MUC21: variants seen among roughly 807,000 people sequenced by gnomAD.
The protein encoded by MUC21 is mucin 21, cell surface associated, also known as mucin-21.
MUC21 carries 8 observed loss-of-function variants against 9.1 expected under a neutral mutation model. The ratio of observed to expected loss-of-function variants is 0.88; its 90% CI spans 0.52 to 1.59. MUC21 has a LOEUF of 1.59. Ranked by LOEUF, MUC21 falls within the 40% of genes most tolerant of loss-of-function variation. The pLI, the probability that MUC21 is intolerant of heterozygous loss-of-function variation, is 0.00. For synonymous variants in MUC21, 189 were observed against 275.2 expected (o/e 0.69, Z 3.10); for missense variants, 478 against 694.2 (o/e 0.69, Z 3.50).
chr6:30,984,996 CAATAAAATAAAATAAAATAA>C (rs9257008), intron 1 of MUC21, among the ~76,000 whole-genome samples: 3 of 142,814 alleles, frequency 2.1e-5, no homozygotes, highest in Non-Finnish European at 4.5e-5. Context: ...AATAAATAAG[CAATAAAATAAAATAAAATAA>C]AATAAAATAA....
chr6:30,988,335 C>T lies in MUC21; in HGVS notation c.*141C>T, dbSNP rs1229855559. On this transcript the variant is annotated 3_prime_UTR_variant, in exon 3 of 3. Transcript: ENST00000376296. ...AAATCTTGAAGAAGGTATTCCTCAC[C>T]TTTCTTGCCTTTACCAGACACTGGA... 3 of 704,320 alleles carry T rather than the reference C, an allele frequency of 4.3e-6. No homozygotes were observed. The African/African-American group carries it at 5.4e-5, about 13-fold the overall frequency. 43.6% of individuals were successfully genotyped at this position (704,320 alleles called of 1,614,324 possible).
At position 30,986,337 on chromosome 6, in the gene MUC21, C is replaced by T. The variant is rs752317628; in HGVS notation, c.162C>T (p.Ser54=). 1.2e-6 allele frequency: 2 copies of T among 1,613,130 alleles called. No individual in the cohort carries two copies. Among genetic ancestry groups the T allele is most frequent in the Non-Finnish European group, 1.7e-6 (2 of 1,179,482 alleles). Residue 54 remains serine, a synonymous_variant, in exon 2 of 3, where the codon TCC becomes TCT. Coordinates refer to ENST00000376296, the MANE Select transcript of MUC21 (RefSeq NM_001010909.5). ...TATNSGSSVT[S]SGVSTATISG... is the part of the protein sequence containing the mutation. ...CCAACTCTGGGTCCAGTGTGACCTC[C>T]AGTGGGGTCAGCACAGCCACCATCT...
In MUC21 at chr6:30,987,031, A is replaced by G; in HGVS notation, c.856A>G (p.Thr286Ala). ...AGTGTCCAGTGGGATCAGCACAGTC[A>G]CCAATTCTGAGTCCAGCACACCCTC... ...STVSSGISTV[T>A]NSESSTPSSG... The change falls in exon 2 of 3, where the codon ACC becomes GCC. Residue 286 changes from threonine (T) to alanine (A), a missense_variant. By Grantham distance (58) the Thr-to-Ala change is moderately conservative. This residue lies in a region of MUC21 where 155 missense variants were observed against 235.2 expected (regional missense o/e 0.66). Transcript: ENST00000376296. 2.5e-6 allele frequency: 4 copies of G among 1,605,056 alleles called. No homozygotes were observed. Among genetic ancestry groups the G allele is most frequent in the Non-Finnish European group, 3.4e-6 (4 of 1,174,482 alleles).
chr6:30,987,176 A>C lies in MUC21; in HGVS notation c.1001A>C (p.Glu334Ala). The C allele has an allele frequency of 6.3e-7, 1 of 1,597,122 alleles. No individual in the cohort carries two copies. The highest frequency in any genetic ancestry group is 8.5e-7 in the Non-Finnish European group (1 of 1,172,216). ...GGGGCCAGCACAGCCACCAACTCTG[A>C]GTCCAGCACGACCTCCAGTGGGGCC... Reference protein sequence around the residue: ...SSGASTATNSESSTTSSGAST... With the variant: ...SSGASTATNSASSTTSSGAST... The change falls in exon 2 of 3, where the codon GAG (glutamate) becomes GCG (alanine). Residue 334 changes from glutamate (E) to alanine (A), a missense_variant. Coordinates refer to ENST00000376296, the MANE Select transcript of MUC21 (RefSeq NM_001010909.5).
intron 2 of MUC21, 27 bp downstream of exon 2, chr6:30,987,708 C>T (rs768600624): frequency 6.2e-7 from 1 of 1,603,396 alleles, no homozygotes. Flanking sequence ...TAAGAAAATG[C>T]CTGGGGGAAG....
Position 30,988,350 on chromosome 6 carries a change from CA to C in MUC21, c.*157del. 1 of 642,642 alleles carries C rather than the reference CA, an allele frequency of 1.6e-6. No homozygotes were observed. Among genetic ancestry groups the C allele is most frequent in the Admixed American group, 3.0e-5 (1 of 33,690 alleles). 39.8% of individuals were successfully genotyped at this position (642,642 alleles called of 1,614,324 possible). On this transcript the variant is annotated 3_prime_UTR_variant, in exon 3 of 3. Transcript: ENST00000376296. ...TATTCCTCACCTTTCTTGCCTTTAC[CA>C]GACACTGGAAAGAGAATACTATATT...
At chr6:30,984,858 C>T (rs1762181506) in intron 1 of MUC21, among the ~76,000 whole-genome samples, 1 of 151,830 alleles carries the variant, frequency 6.6e-6, no homozygotes, top group African/African-American at 2.4e-5. Context: ...GCCTGTAATC[C>T]TAGCTACTCA....
chr6:30,988,008 C>G lies in MUC21; in HGVS notation c.1515C>G (p.Ser505Arg), dbSNP rs1762458599. Residue 505 changes from serine to arginine, a missense_variant, in exon 3 of 3, where the codon AGC becomes AGG. By Grantham distance (110) the Ser-to-Arg change is moderately radical. Coordinates refer to ENST00000376296, the MANE Select transcript of MUC21 (RefSeq NM_001010909.5). The stretch of plus-strand genomic sequence containing the variant: ...GACTCTTCTTTTTTTAGAGAAACAG[C>G]CTGTCCCTGAGAAACACCTTTAACA... Reference protein sequence around the residue: ...FAGLFFCVRNSLSLRNTFNTA... With the variant: ...FAGLFFCVRNRLSLRNTFNTA... 1 of 1,178,882 alleles carries G rather than the reference C, an allele frequency of 8.5e-7. No individual in the cohort carries two copies. Among genetic ancestry groups the G allele is most frequent in the Non-Finnish European group, 1.3e-6 (1 of 783,708 alleles). The allele number at this position is 1,178,882 out of a possible 1,614,324, so 73.0% of individuals were successfully genotyped here.
chr6:30,987,700 A>C lies in MUC21; in HGVS notation c.1506+19A>C. The C allele has an allele frequency of 6.2e-7, 1 of 1,606,884 alleles. No homozygotes were observed. On this transcript the variant is annotated intron_variant, in intron 2 of 2. Coordinates refer to ENST00000376296, the MANE Select transcript of MUC21 (RefSeq NM_001010909.5). ...CTGTGTGGTGAGTGCCTAATATGTA[A>C]GAAAATGCCTGGGGGAAGGAGCAGC...
chr6:30,986,498 C>T lies in MUC21; in HGVS notation c.323C>T (p.Ser108Phe). The T allele has an allele frequency of 6.3e-7, 1 of 1,582,230 alleles. No homozygotes were observed. Among genetic ancestry groups the T allele is most frequent in the Non-Finnish European group, 8.7e-7 (1 of 1,155,456 alleles). Reference protein sequence around the residue: ...VSSGISIATNSESSTTSSGAS... With the variant: ...VSSGISIATNFESSTTSSGAS... ...AGTGGGATCAGCATAGCCACCAACT[C>T]TGAGTCCAGCACAACCTCCAGTGGG... The change falls in exon 2 of 3, where the codon TCT becomes TTT. Residue 108 changes from serine to phenylalanine, a missense_variant. By Grantham distance (155) the Ser-to-Phe change is radical. Around this residue, in one of 5 missense-constraint regions of MUC21, gnomAD observed 53 missense variants for 139.1 expected, o/e 0.38. Coordinates refer to ENST00000376296, the MANE Select transcript of MUC21 (RefSeq NM_001010909.5).
chr6:30,987,873 G>A, intron 2 of MUC21, 127 bp from the exon 3 acceptor site: 1 of 1,120,530 alleles, frequency 8.9e-7, no homozygotes, highest in South Asian at 1.4e-5. Flanking sequence ...GCCACAGAAA[G>A]GACTGGAGAA....
In MUC21 at chr6:30,988,334, C is replaced by A; in HGVS notation, c.*140C>A. ...AAAATCTTGAAGAAGGTATTCCTCACCTTTCTTGCCTTTACCAGACACTGG... is the reference window on the plus strand; with the variant it reads ...AAAATCTTGAAGAAGGTATTCCTCAACTTTCTTGCCTTTACCAGACACTGG... On this transcript the variant is annotated 3_prime_UTR_variant, in exon 3 of 3. Transcript: ENST00000376296. 1 of 703,518 alleles carries A rather than the reference C, an allele frequency of 1.4e-6. No homozygotes were observed. Among genetic ancestry groups the A allele is most frequent in the Non-Finnish European group, 2.3e-6 (1 of 433,656 alleles). The allele number at this position is 703,518 out of a possible 1,614,324, so 43.6% of individuals were successfully genotyped here. A position where few individuals can be genotyped will look rare whatever the true frequency, so the allele number is the denominator to read the frequency against.
chr6:30,986,813 C>G lies in MUC21; in HGVS notation c.638C>G (p.Ser213Cys). 6.3e-7 allele frequency: 1 copy of G among 1,593,468 alleles called. No individual in the cohort carries two copies. Among genetic ancestry groups the G allele is most frequent in the Non-Finnish European group, 8.6e-7 (1 of 1,169,086 alleles). ...AGTGGGGCCAGCACAGCCACCAACT[C>G]TGAGTCCAGAACGACCTCCAATGGG... ...TSSGASTATN[S>C]ESRTTSNGAG... The change falls in exon 2 of 3, where the codon TCT (serine) becomes TGT (cysteine). Residue 213 changes from serine to cysteine, a missense_variant. By Grantham distance (112) the Ser-to-Cys change is moderately radical. Coordinates refer to ENST00000376296, the MANE Select transcript of MUC21 (RefSeq NM_001010909.5).
chr6:30,983,777 C>A lies in MUC21; in HGVS notation c.-182C>A. 1.9e-6 allele frequency: 1 copy of A among 515,846 alleles called. No homozygotes were observed. The highest frequency in any genetic ancestry group is 3.4e-6 in the Non-Finnish European group (1 of 292,000). The allele number at this position is 515,846 out of a possible 1,614,324, so 32.0% of individuals were successfully genotyped here. On this transcript the variant is annotated 5_prime_UTR_variant, in exon 1 of 3. Transcript: ENST00000376296. Reference sequence around the variant, plus strand: ...CTAAGGAACCCAGGCATCCAGCTGCCCACGCCTGAGTCCAAGATTCTTCCC... The same window carrying A: ...CTAAGGAACCCAGGCATCCAGCTGCACACGCCTGAGTCCAAGATTCTTCCC...
At position 30,983,926 on chromosome 6, in the gene MUC21, C is replaced by T. The variant is rs1422832268; in HGVS notation, c.-33C>T. 1.3e-6 allele frequency: 1 copy of T among 778,582 alleles called. No homozygotes were observed. Among genetic ancestry groups the T allele is most frequent in the Admixed American group, 1.7e-5 (1 of 58,890 alleles). The allele number at this position is 778,582 out of a possible 1,614,324, so 48.2% of individuals were successfully genotyped here. On this transcript the variant is annotated 5_prime_UTR_variant, in exon 1 of 3. Transcript: ENST00000376296. The stretch of plus-strand genomic sequence containing the variant: ...CTAAAGTCTTGGTACATCTAGGACC[C>T]AGGCATCTTGCTTTCCAGCCACAAA...
rs1207305627 is a variant in MUC21, at chr6:30,989,326, AACC to A, written c.*1138_*1140del. Reference sequence around the variant, plus strand: ...TAAGAGTGATACCATCTTGAAGTGAAACCACCACAATGGCCATTTTTTTTTTAG... The same window carrying A: ...TAAGAGTGATACCATCTTGAAGTGAAACCACAATGGCCATTTTTTTTTTAG... On this transcript the variant is annotated 3_prime_UTR_variant, in exon 3 of 3. Coordinates refer to ENST00000376296, the MANE Select transcript of MUC21 (RefSeq NM_001010909.5). 9 of 152,182 alleles carry A rather than the reference AACC, an allele frequency of 5.9e-5. No homozygotes were observed. The highest frequency in any genetic ancestry group is 2.2e-4 in the African/African-American group (9 of 41,448). 9.4% of individuals were successfully genotyped at this position (152,182 alleles called of 1,614,324 possible).
At position 30,988,228 on chromosome 6, in the gene MUC21, A is replaced by C; in HGVS notation, c.*34A>C. ...GGAAGCAAGTGCCGCATTCTTCAGG[A>C]AGGAAGAGACCTGGGCACCCAAGAC... On this transcript the variant is annotated 3_prime_UTR_variant, in exon 3 of 3. Coordinates refer to ENST00000376296, the MANE Select transcript of MUC21 (RefSeq NM_001010909.5). 1 of 1,583,376 alleles carries C rather than the reference A, an allele frequency of 6.3e-7. No homozygotes were observed. The highest frequency in any genetic ancestry group is 8.6e-7 in the Non-Finnish European group (1 of 1,166,150).
In MUC21 at chr6:30,983,937, C is replaced by T; in HGVS notation, c.-22C>T. The T allele has an allele frequency of 2.6e-6, 2 of 779,000 alleles. No homozygotes were observed. Among genetic ancestry groups the T allele is most frequent in the Non-Finnish European group, 4.8e-6 (2 of 417,722 alleles). The allele number at this position is 779,000 out of a possible 1,614,324, so 48.3% of individuals were successfully genotyped here. On this transcript the variant is annotated 5_prime_UTR_variant, in exon 1 of 3. Transcript: ENST00000376296. The stretch of plus-strand genomic sequence containing the variant: ...GTACATCTAGGACCCAGGCATCTTG[C>T]TTTCCAGCCACAAAGAGACAGATGA...
In MUC21 at chr6:30,987,021, C is replaced by G; in HGVS notation, c.846C>G (p.Ile282Met). 1 of 1,604,398 alleles carries G rather than the reference C, an allele frequency of 6.2e-7. No homozygotes were observed. The highest frequency in any genetic ancestry group is 8.5e-7 in the Non-Finnish European group (1 of 1,174,172). The part of the protein sequence containing the change: ...NSESSTVSSG[I>M]STVTNSESST... ...AGTCCAGCACAGTGTCCAGTGGGAT[C>G]AGCACAGTCACCAATTCTGAGTCCA... The change falls in exon 2 of 3, where the codon ATC becomes ATG. Residue 282 changes from isoleucine to methionine, a missense_variant. Physicochemically the swap from Ile to Met is conservative, Grantham distance 10. Transcript: ENST00000376296.
Sources: allele counts gnomAD v4.1 joint callset (sites outside exome capture counted in the v4.1 genomes callset), GRCh38; gene constraint gnomAD v4.1.1; regional missense constraint gnomAD v4.1.1; transcripts MANE v1.5; gene names NCBI Gene and HGNC (gene_info 2026-07-23, HGNC 2026-07-21).